Variants in ERBB4 observed in about 807,000 individuals in gnomAD.
ERBB4 encodes receptor tyrosine-protein kinase erbB-4.
ERBB4 carries 42 observed loss-of-function variants against 158.0 expected under a neutral mutation model. That is an observed-to-expected ratio of 0.27 (90% CI 0.21 to 0.34). The LOEUF is 0.34. Ranked by LOEUF, ERBB4 falls within the 10% of genes least tolerant of loss-of-function variation. The pLI is 1.00. For missense variants in ERBB4, 1,333 were observed against 1,624.1 expected, an observed-to-expected ratio of 0.82 and a Z score of 3.08; for synonymous variants, 583 against 558.7, an observed-to-expected ratio of 1.04 and a Z score of -0.61.
At chr2:211,498,111 T>C (rs2065520007) in intron 20 of ERBB4, among the ~76,000 whole-genome samples, 2 of 152,096 alleles carry the variant, frequency 1.3e-5, no homozygotes, top group Admixed American at 1.3e-4. Context: ...CTCATTCCCT[T>C]AGTGAGAGAC....
chr2:212,243,891 T>C (rs2084211327), intron 1 of ERBB4, among the ~76,000 whole-genome samples: 1 of 152,160 alleles, frequency 6.6e-6, no homozygotes, highest in South Asian at 2.1e-4. Flanking sequence ...ATCTTAATGA[T>C]CCCTAGTTCC....
intron 2 of ERBB4, among the ~76,000 whole-genome samples, chr2:212,012,603 T>C (rs559511646): frequency 2.0e-5 from 3 of 151,898 alleles, no homozygotes; most frequent in South Asian, 4.2e-4. Context: ...TTAGCAGAGA[T>C]GGGGCTTCAC....
chr2:211,531,253 G>A (rs1434558906), intron 20 of ERBB4, among the ~76,000 whole-genome samples: 2 of 152,000 alleles, frequency 1.3e-5, no homozygotes, highest in African/African-American at 2.4e-5. Context: ...ACACTGGAGT[G>A]GGCAGAGATT....
chr2:212,190,268 A>G (rs756714833), intron 1 of ERBB4, among the ~76,000 whole-genome samples: 40 of 152,156 alleles, frequency 2.6e-4, no homozygotes, highest in Non-Finnish European at 4.1e-4. Flanking sequence ...TGGGCGCGGT[A>G]GCTCAAGCCT....
intron 9 of ERBB4, among the ~76,000 whole-genome samples, chr2:211,709,595 A>G (rs1434097300): frequency 6.6e-6 from 1 of 152,066 alleles, no homozygotes; most frequent in Non-Finnish European, 1.5e-5. Context: ...CAGTTGTAAC[A>G]GAGACTGGGT....
At chr2:212,251,133 T>A (rs769317622) in intron 1 of ERBB4, among the ~76,000 whole-genome samples, 1 of 152,012 alleles carries the variant, frequency 6.6e-6, no homozygotes, top group Non-Finnish European at 1.5e-5. Context: ...TATACTTGAC[T>A]CAATCTAAAA....
chr2:211,574,441 A>T (rs1426838618), intron 19 of ERBB4, among the ~76,000 whole-genome samples: 1 of 152,314 alleles, frequency 6.6e-6, no homozygotes, highest in Admixed American at 6.5e-5. Flanking sequence ...ATCAATAACA[A>T]TATGGAACAA....
At position 212,179,856 on chromosome 2, in the gene ERBB4, AT is replaced by A. The variant is rs564203087; in HGVS notation, c.83-54954del. 2.0e-3 allele frequency among the ~76,000 whole-genome samples: 304 copies of A among 151,748 alleles called. 3 individuals are homozygous for A. The highest frequency in any genetic ancestry group is 7.0e-3 in the African/African-American group (289 of 41,502). ...GGAATGGTCTCCCAAATCTTCATAC[AT>A]TTCTCACATTATTTATTTTTCATGA... On this transcript the variant is annotated intron_variant, in intron 1 of 27. Transcript: ENST00000342788.
chr2:211,743,468 A>G (rs1043483079), intron 5 of ERBB4, among the ~76,000 whole-genome samples: 2 of 152,218 alleles, frequency 1.3e-5, no homozygotes, highest in African/African-American at 2.4e-5. Context: ...GTGCTTAAAG[A>G]TAAAAAAGGA....
rs1021380327 is a variant in ERBB4 at position 211,381,381 on chromosome 2, A to G, written c.*2234T>C. 1 of 232,200 alleles carries G rather than the reference A, an allele frequency of 4.3e-6. No homozygotes were observed. 14.4% of individuals were successfully genotyped at this position (232,200 alleles called of 1,614,324 possible). A position where few individuals can be genotyped will look rare whatever the true frequency, so the allele number is the denominator to read the frequency against. On this transcript the variant is annotated 3_prime_UTR_variant, in exon 28 of 28. Transcript: ENST00000342788. ...CTAGACCAGTTTATGTTTGAATAAT[A>G]TTATTGAAATTATCCTGTTTGTCAA...
chr2:212,245,699 A>G (rs1949652), intron 1 of ERBB4, among the ~76,000 whole-genome samples: 64,059 of 151,914 alleles, frequency 0.42, 14,524 homozygotes, highest in East Asian at 0.74. Flanking sequence ...AAGAGTTTAG[A>G]AAACAACTGT....
intron 20 of ERBB4, among the ~76,000 whole-genome samples, chr2:211,468,244 A>C (rs1249260511): frequency 1.3e-5 from 2 of 152,182 alleles, no homozygotes; most frequent in East Asian, 3.9e-4. Context: ...ATATGCTAAC[A>C]CATGTCTGTG....
intron 1 of ERBB4, among the ~76,000 whole-genome samples, chr2:212,334,949 G>A (rs1188286462): frequency 6.6e-6 from 1 of 151,694 alleles, no homozygotes; most frequent in African/African-American, 2.4e-5. Flanking sequence ...TTCCTAAGTA[G>A]ATCACTATAT....
intron 19 of ERBB4, among the ~76,000 whole-genome samples, chr2:211,609,673 AGC>A (rs1322131519): frequency 1.3e-5 from 2 of 152,148 alleles, no homozygotes; most frequent in Non-Finnish European, 2.9e-5. Context: ...CTCCCACAGT[AGC>A]TAGGACTACA....
At chr2:211,751,305 G>A (rs1469434029) in intron 4 of ERBB4, among the ~76,000 whole-genome samples, 2 of 151,812 alleles carry the variant, frequency 1.3e-5, no homozygotes, top group East Asian at 3.9e-4. Flanking sequence ...ATCTCCTATA[G>A]TGGCATCTTC....
At chr2:212,028,354 G>T (rs951372516) in intron 2 of ERBB4, among the ~76,000 whole-genome samples, 8 of 152,034 alleles carry the variant, frequency 5.3e-5, no homozygotes, top group African/African-American at 1.9e-4. Context: ...GCCATAGGAG[G>T]TTTCACTTTC....
chr2:211,428,541 G>GTATT, intron 21 of ERBB4, 58 bp from the exon 22 acceptor site: 1 of 936,822 alleles, frequency 1.1e-6, no homozygotes, highest in South Asian at 1.3e-5. Context: ...ATTTCTATAT[G>GTATT]TATTTCCTAA....
chr2:212,274,213 C>T (rs535783291), intron 1 of ERBB4, among the ~76,000 whole-genome samples: 3 of 151,888 alleles, frequency 2.0e-5, no homozygotes, highest in South Asian at 2.1e-4. Context: ...AGTTGCAAAC[C>T]TCAATCTACA....
At chr2:211,753,317 T>C (rs2106216943) in intron 4 of ERBB4, among the ~76,000 whole-genome samples, 1 of 152,206 alleles carries the variant, frequency 6.6e-6, no homozygotes, top group East Asian at 1.9e-4. Context: ...CATTCCCTCC[T>C]ACATCCTTCC....
Sources: gnomAD v4.1 joint callset for allele counts (sites outside exome capture counted in the v4.1 genomes callset) on GRCh38, gnomAD v4.1.1 for gene constraint, MANE v1.5 for transcripts, NCBI Gene and HGNC (gene_info 2026-07-23, HGNC 2026-07-21) for gene names.